The following SLC9A9 variants were observed in gnomAD, a reference collection of about 807,000 sequenced individuals.
The protein encoded by SLC9A9 is sodium/hydrogen exchanger 9.
SLC9A9 carries 62 observed loss-of-function variants against 77.8 expected under a neutral mutation model. The observed-to-expected ratio is 0.80, with a 90% CI of 0.65 to 0.98. The LOEUF is 0.98. Among genes scored for constraint, SLC9A9 ranks in the 50% least tolerant of loss-of-function variants. The pLI, the probability that SLC9A9 is intolerant of heterozygous loss-of-function variation, is 0.00. For missense variants in SLC9A9, 775 were observed against 774.9 expected (o/e 1.00, Z 0.00); for synonymous variants, 320 against 283.5 (o/e 1.13, Z -1.29).
At chr3:143,628,943 G>A (rs1202550551) in intron 6 of SLC9A9, among the ~76,000 whole-genome samples, 7 of 152,096 alleles carry the variant, frequency 4.6e-5, no homozygotes, top group Non-Finnish European at 1.0e-4. Flanking sequence ...GTTCAGTTAA[G>A]TATATATATT....
chr3:143,472,113 A>G (rs1456686028), intron 11 of SLC9A9, among the ~76,000 whole-genome samples: 3 of 152,232 alleles, frequency 2.0e-5, no homozygotes, highest in Non-Finnish European at 2.9e-5. Flanking sequence ...GGTGCAAAGC[A>G]ATAAACTAAA....
At chr3:143,535,521 A>G (rs1436834320) in intron 9 of SLC9A9, among the ~76,000 whole-genome samples, 1 of 152,166 alleles carries the variant, frequency 6.6e-6, no homozygotes, top group Non-Finnish European at 1.5e-5. Context: ...AAGCAGCAAA[A>G]TGCACTTTTG....
At chr3:143,517,217 A>G in intron 9 of SLC9A9, 2 of 1,293,258 alleles carry the variant, frequency 1.5e-6, no homozygotes, top group Non-Finnish European at 2.2e-6. Flanking sequence ...GTTCTGAGCC[A>G]CATCCTGGAA....
intron 2 of SLC9A9, among the ~76,000 whole-genome samples, chr3:143,801,852 A>G (rs1022627959): frequency 6.6e-6 from 1 of 152,142 alleles, no homozygotes; most frequent in South Asian, 2.1e-4. Flanking sequence ...TGCCTTCCAC[A>G]TCCTGCACCA....
At chr3:143,425,038 T>C (rs534049377) in intron 12 of SLC9A9, among the ~76,000 whole-genome samples, 13 of 152,300 alleles carry the variant, frequency 8.5e-5, no homozygotes, top group South Asian at 2.1e-4. Context: ...ATGTGATCCA[T>C]TTTCCCCTCA....
chr3:143,700,936 G>C (rs190928693), intron 4 of SLC9A9, among the ~76,000 whole-genome samples: 80 of 152,338 alleles, frequency 5.3e-4, no homozygotes, highest in African/African-American at 1.9e-3. Flanking sequence ...CTCAACCCCA[G>C]GTCCAGGCAG....
intron 14 of SLC9A9, among the ~76,000 whole-genome samples, chr3:143,283,367 G>A (rs1475730239): frequency 6.6e-6 from 1 of 152,152 alleles, no homozygotes; most frequent in African/African-American, 2.4e-5. Flanking sequence ...AGCCTGTCTG[G>A]ATTTCCCTAG....
At chr3:143,571,833 G>C (rs544097359) in intron 8 of SLC9A9, among the ~76,000 whole-genome samples, 47 of 152,280 alleles carry the variant, frequency 3.1e-4, no homozygotes, top group Admixed American at 7.9e-4. Context: ...TATGTTATGA[G>C]TTGTCACAAA....
intron 9 of SLC9A9, among the ~76,000 whole-genome samples, chr3:143,527,868 C>T (rs2036431239): frequency 6.6e-6 from 1 of 152,100 alleles, no homozygotes; most frequent in African/African-American, 2.4e-5. Context: ...ATTAGTAGGA[C>T]AGAGCATGGC....
rs529446790 is a variant in SLC9A9 at position 143,582,465 on chromosome 3, C to A, written c.756-3742G>T. ...ATCATCATTCTGCTGAGAACTTCCA[C>A]AAGTCTCACAATAACAACAGGGTGG... On this transcript the variant is annotated intron_variant, in intron 6 of 15. Coordinates refer to ENST00000316549, the MANE Select transcript of SLC9A9 (RefSeq NM_173653.4). Among the ~76,000 whole-genome samples the A allele has an allele frequency of 1.1e-4, 16 of 152,282 alleles. 1 individual carries two copies. The highest frequency in any genetic ancestry group is 3.6e-4 in the African/African-American group (15 of 41,550).
At chr3:143,400,265 A>G (rs1020503751) in intron 12 of SLC9A9, among the ~76,000 whole-genome samples, 4 of 152,182 alleles carry the variant, frequency 2.6e-5, no homozygotes, top group African/African-American at 9.7e-5. Context: ...ATTGGGGAAA[A>G]ATTCAAAAGA....
At chr3:143,588,577 T>C (rs2037594045) in intron 6 of SLC9A9, among the ~76,000 whole-genome samples, 1 of 152,216 alleles carries the variant, frequency 6.6e-6, no homozygotes, top group Non-Finnish European at 1.5e-5. Context: ...AGGAGGTTTG[T>C]TATGAATTAT....
At chr3:143,725,303 T>A (rs576300902) in intron 4 of SLC9A9, among the ~76,000 whole-genome samples, 2 of 152,166 alleles carry the variant, frequency 1.3e-5, no homozygotes, top group East Asian at 3.9e-4. Context: ...GTTAACTAGT[T>A]CAACCATTGT....
chr3:143,519,918 T>G (rs2036267612), intron 9 of SLC9A9, among the ~76,000 whole-genome samples: 1 of 151,606 alleles, frequency 6.6e-6, no homozygotes, highest in African/African-American at 2.4e-5. Flanking sequence ...TTTGGGTGAG[T>G]GAATAGGGAG....
intron 9 of SLC9A9, among the ~76,000 whole-genome samples, chr3:143,547,501 C>T (rs780645841): frequency 1.3e-4 from 20 of 152,328 alleles, no homozygotes; most frequent in South Asian, 8.3e-4. Context: ...CTAAAACGTA[C>T]GTACATGCCT....
chr3:143,532,747 G>T (rs2036531123), intron 9 of SLC9A9, among the ~76,000 whole-genome samples: 1 of 152,168 alleles, frequency 6.6e-6, no homozygotes, highest in Admixed American at 6.5e-5. Context: ...ATGATTTAAT[G>T]ATATTTCCAC....
chr3:143,415,289 A>G (rs1000046556), intron 12 of SLC9A9, among the ~76,000 whole-genome samples: 15 of 152,346 alleles, frequency 9.8e-5, no homozygotes, highest in African/African-American at 2.6e-4. Flanking sequence ...CAGATTGTCA[A>G]TGTAGACAAA....
intron 12 of SLC9A9, among the ~76,000 whole-genome samples, chr3:143,457,462 T>G (rs1462615101): frequency 1.3e-5 from 2 of 152,208 alleles, no homozygotes; most frequent in Non-Finnish European, 2.9e-5. Context: ...CCAAGTCTAT[T>G]GATTTCTGCT....
intron 8 of SLC9A9, among the ~76,000 whole-genome samples, chr3:143,571,739 A>G (rs998239765): frequency 2.0e-5 from 3 of 152,344 alleles, no homozygotes; most frequent in Admixed American, 2.0e-4. Context: ...AGCAATGAAC[A>G]GTGGCCTAAT....
Sources: gnomAD v4.1 joint callset for allele counts (sites outside exome capture counted in the v4.1 genomes callset) on GRCh38, gnomAD v4.1.1 for gene constraint, MANE v1.5 for transcripts, NCBI Gene and HGNC (gene_info 2026-07-23, HGNC 2026-07-21) for gene names.